The following MCM10 variants were observed in gnomAD, a reference collection of about 807,000 sequenced individuals.
MCM10 encodes the protein minichromosome maintenance 10 replication initiation factor, also known as protein MCM10 homolog.
In MCM10, 91 loss-of-function variants were observed where a neutral mutation model predicts 109.9. The ratio of observed to expected loss-of-function variants is 0.83; its 90% CI spans 0.70 to 0.99. The LOEUF (loss-of-function observed/expected upper bound fraction) is 0.99. Ranked by LOEUF, MCM10 falls within the 50% of genes least tolerant of loss-of-function variation. MCM10 has a pLI of 0.00. For missense variants in MCM10, 1,077 were observed against 1,061.2 expected (o/e 1.01, Z -0.21); for synonymous variants, 380 against 387.2 (o/e 0.98, Z 0.22).
chr10:13,199,536 TAATA>T (rs1468535557), intron 16 of MCM10, among the ~76,000 whole-genome samples: 1 of 152,216 alleles, frequency 6.6e-6, no homozygotes. Flanking sequence ...GGACCCTTTT[TAATA>T]ACAAGTATTT....
At chr10:13,179,770 G>T (rs1235388271) in intron 6 of MCM10, among the ~76,000 whole-genome samples, 1 of 152,108 alleles carries the variant, frequency 6.6e-6, no homozygotes, top group Non-Finnish European at 1.5e-5. Context: ...TGAAATTCTT[G>T]CATAATCGAT....
intron 16 of MCM10, 43 bp from the exon 17 acceptor site, chr10:13,201,378 C>G (rs1834495732): frequency 8.0e-7 from 1 of 1,243,730 alleles, no homozygotes; most frequent in Non-Finnish European, 1.2e-6. Flanking sequence ...TGAGTGCATA[C>G]TGGATTTAGT....
intron 2 of MCM10, among the ~76,000 whole-genome samples, chr10:13,165,829 C>T (rs1461198003): frequency 2.0e-5 from 3 of 149,496 alleles, no homozygotes; most frequent in African/African-American, 7.5e-5. Context: ...GCATCGAGAT[C>T]CCACTACTGC....
chr10:13,163,067 T>C (rs551269208), intron 1 of MCM10, among the ~76,000 whole-genome samples: 1 of 142,298 alleles, frequency 7.0e-6, no homozygotes, highest in South Asian at 2.2e-4. Flanking sequence ...TGACAGAGAC[T>C]CCGTCTCAAA....
intron 16 of MCM10, 88 bp from the exon 17 acceptor site, chr10:13,201,333 T>C (rs541964649): frequency 3.7e-6 from 3 of 807,926 alleles, no homozygotes; most frequent in South Asian, 3.1e-5. Flanking sequence ...GCTGAGTCAT[T>C]TGAATAATCA....
intron 2 of MCM10, among the ~76,000 whole-genome samples, chr10:13,165,666 G>A (rs1174190918): frequency 2.0e-5 from 3 of 152,096 alleles, no homozygotes; most frequent in Non-Finnish European, 4.4e-5. Flanking sequence ...CCTGAGGTCA[G>A]GAGTTCGAGG....
At chr10:13,194,854 A>G (rs1834394129) in intron 13 of MCM10, among the ~76,000 whole-genome samples, 187 bp from the exon 14 acceptor site, 1 of 152,332 alleles carries the variant, frequency 6.6e-6, no homozygotes. Flanking sequence ...ATTAAGGAGG[A>G]GTTAGTAAAG....
chr10:13,173,297 A>G (rs1355094452), intron 5 of MCM10, among the ~76,000 whole-genome samples: 2 of 152,006 alleles, frequency 1.3e-5, no homozygotes, highest in African/African-American at 4.8e-5. Context: ...TTTTACCTGG[A>G]CTGTAGTAAG....
At chr10:13,173,286 G>A (rs557928968) in intron 5 of MCM10, among the ~76,000 whole-genome samples, 30 of 152,126 alleles carry the variant, frequency 2.0e-4, no homozygotes, top group Admixed American at 5.9e-4. Context: ...TAGTCTCATA[G>A]TTTTACCTGG....
intron 13 of MCM10, 133 bp downstream of exon 13, chr10:13,192,701 T>C: frequency 1.3e-6 from 1 of 756,208 alleles, no homozygotes; most frequent in Non-Finnish European, 2.2e-6. Context: ...TTTAAAATAG[T>C]TTTCCCATAA....
At chr10:13,164,308 C>A in intron 2 of MCM10, 99 bp downstream of exon 2, 2 of 1,167,496 alleles carry the variant, frequency 1.7e-6, no homozygotes, top group Admixed American at 2.6e-5. Flanking sequence ...TGAAAATGCT[C>A]CCCAGCCCTC....
intron 2 of MCM10, among the ~76,000 whole-genome samples, chr10:13,166,919 G>A (rs187369159): frequency 6.6e-6 from 1 of 151,874 alleles, no homozygotes; most frequent in South Asian, 2.1e-4. Context: ...CAGGAGCATC[G>A]CTTGAGGCCA....
At position 13,198,721 on chromosome 10, in the gene MCM10, AGGAGAGAACAACTT is replaced by A. The variant is rs1475782942; in HGVS notation, c.2154_2167del (p.Arg718SerfsTer6). ...TGAATTGGAGCCTGCCAGGAAAAAAAGGAGAGAACAACTTGCCTATCTGGAATCTGAGGAATTTC... is the reference window on the plus strand; with the variant it reads ...TGAATTGGAGCCTGCCAGGAAAAAAAGCCTATCTGGAATCTGAGGAATTTC... On this transcript the variant is annotated frameshift_variant, in exon 16 of 20. Transcript: ENST00000378714. LOFTEE classifies it high-confidence loss of function. 3 of 1,613,738 alleles carry A rather than the reference AGGAGAGAACAACTT, an allele frequency of 1.9e-6. No homozygotes were observed. The highest frequency in any genetic ancestry group is 2.5e-6 in the Non-Finnish European group (3 of 1,179,842).
chr10:13,203,256 TCTC>T (rs1004556161), intron 17 of MCM10, among the ~76,000 whole-genome samples: 5 of 152,114 alleles, frequency 3.3e-5, no homozygotes, highest in Non-Finnish European at 7.4e-5. Flanking sequence ...GGGAGAATCA[TCTC>T]CTGGCCCAGC....
At position 13,170,936 on chromosome 10, in the gene MCM10, C is replaced by G. The variant is rs1385861603; in HGVS notation, c.22C>G (p.Leu8Val). The change falls in exon 3 of 20, where the codon CTG (leucine) becomes GTG (valine). Residue 8 changes from leucine to valine, a missense_variant. Physicochemically the swap from Leu to Val is conservative, Grantham distance 32. Coordinates refer to ENST00000378714, the MANE Select transcript of MCM10 (RefSeq NM_018518.5). ...TTTTCCCCTAGAGGAGGAAGACAAT[C>G]TGTCTCTGCTGACCGCACTGCTGGA... MDEEEDN[L>V]SLLTALLEEN... 1 of 1,612,942 alleles carries G rather than the reference C, an allele frequency of 6.2e-7. No individual in the cohort carries two copies. The highest frequency in any genetic ancestry group is 1.3e-5 in the African/African-American group (1 of 74,894).
intron 17 of MCM10, among the ~76,000 whole-genome samples, chr10:13,203,806 G>T (rs1407292047): frequency 9.0e-6 from 1 of 110,836 alleles, no homozygotes; most frequent in African/African-American, 2.8e-5. Context: ...GAGAATGAAA[G>T]AGCTGCTGAT....
At position 13,163,742 on chromosome 10, in the gene MCM10, G is replaced by T. The variant is rs74122550; in HGVS notation, c.-75-386G>T. Among the ~76,000 whole-genome samples, 1,378 of 152,230 alleles carry T rather than the reference G, an allele frequency of 9.1e-3. 30 individuals are homozygous for T. The highest frequency in any genetic ancestry group is 0.032 in the African/African-American group (1,320 of 41,534). On this transcript the variant is annotated intron_variant, in intron 1 of 19. Transcript: ENST00000378714. Reference sequence around the variant, plus strand: ...AGACAAGGTCTTGCTATGTGACCAGGCTGGTCTCAAACTTCTGGCCTCAAG... The same window carrying T: ...AGACAAGGTCTTGCTATGTGACCAGTCTGGTCTCAAACTTCTGGCCTCAAG...
At chr10:13,174,175 C>T (rs1350234999) in intron 5 of MCM10, among the ~76,000 whole-genome samples, 1 of 124,198 alleles carries the variant, frequency 8.1e-6, no homozygotes, top group Non-Finnish European at 1.6e-5. Flanking sequence ...CAGAGTCTCA[C>T]TCTGTCACCC....
In MCM10 at chr10:13,209,265, A is replaced by T; in HGVS notation, c.2580A>T (p.Leu860Phe). Reference protein sequence around the residue: ...TGPKIGGETLLPRGEEHAKFL... With the variant: ...TGPKIGGETLFPRGEEHAKFL... ...CAAAGATAGGAGGAGAAACTCTGTT[A>T]CCAAGAGGAGAAGAACATGCTAAAT... The change falls in exon 20 of 20, where the codon TTA becomes TTT. Residue 860 changes from leucine to phenylalanine, a missense_variant. Physicochemically the swap from Leu to Phe is conservative, Grantham distance 22. Transcript: ENST00000378714. The T allele has an allele frequency of 6.2e-7, 1 of 1,614,126 alleles. No homozygotes were observed. Among genetic ancestry groups the T allele is most frequent in the Non-Finnish European group, 8.5e-7 (1 of 1,179,968 alleles).
Sources: gnomAD v4.1 joint callset for allele counts (sites outside exome capture counted in the v4.1 genomes callset) on GRCh38, gnomAD v4.1.1 for gene constraint, MANE v1.5 for transcripts, NCBI Gene and HGNC (gene_info 2026-07-23, HGNC 2026-07-21) for gene names.